IQCH: variants seen among roughly 807,000 people sequenced by gnomAD.
IQCH encodes the protein IQ domain-containing protein H.
IQCH carries 98 observed loss-of-function variants against 117.0 expected under a neutral mutation model. That is an observed-to-expected ratio of 0.84 (90% CI 0.71 to 0.99). The LOEUF is 0.99. IQCH is among the 50% of genes least tolerant of loss of function. IQCH has a pLI of 0.00. For synonymous variants in IQCH, 412 were observed against 448.2 expected (o/e 0.92, Z 1.02); for missense variants, 1,102 against 1,243.8 (o/e 0.89, Z 1.72).
intron 2 of IQCH, among the ~76,000 whole-genome samples, chr15:67,262,252 GA>G (rs1965493487): frequency 2.0e-5 from 3 of 152,166 alleles, no homozygotes; most frequent in African/African-American, 7.2e-5. Context: ...TCATTACAAA[GA>G]GATCTAAGGT....
intron 4 of IQCH, chr15:67,281,465 A>G (rs1689132115): frequency 1.3e-5 from 4 of 318,690 alleles, no homozygotes; most frequent in Admixed American, 4.1e-5. Context: ...GGTTATGTTT[A>G]TAAATCAGGT....
Position 67,487,316 on chromosome 15 carries a change from G to A in IQCH, c.2800-2687G>A, listed in dbSNP as rs951302035. Among the ~76,000 whole-genome samples the A allele has an allele frequency of 2.6e-5, 4 of 152,176 alleles. No homozygotes were observed. The East Asian group carries it at 5.8e-4, about 22-fold the overall frequency. ...CCACTGCACTCCAGCCTGGGTGACC[G>A]AGTGAGACTCTGTCTCAAAAACAAC... On this transcript the variant is annotated intron_variant, in intron 18 of 20. Transcript: ENST00000335894.
chr15:67,279,182 G>T (rs1248975497), intron 3 of IQCH, among the ~76,000 whole-genome samples: 1 of 152,074 alleles, frequency 6.6e-6, no homozygotes, highest in Non-Finnish European at 1.5e-5. Flanking sequence ...TGCTATAATG[G>T]TCTTTATCAG....
chr15:67,440,772 G>A (rs1367904540), intron 16 of IQCH, among the ~76,000 whole-genome samples: 1 of 152,140 alleles, frequency 6.6e-6, no homozygotes, highest in African/African-American at 2.4e-5. Flanking sequence ...ACTGAATGGG[G>A]AAAAGTTGAA....
chr15:67,270,563 A>T (rs915774495), intron 3 of IQCH, among the ~76,000 whole-genome samples: 2 of 152,150 alleles, frequency 1.3e-5, no homozygotes, highest in African/African-American at 2.4e-5. Context: ...TGCCATTCTC[A>T]TGGGAGTGAG....
chr15:67,327,053 A>G (rs1257685287), intron 4 of IQCH, among the ~76,000 whole-genome samples: 1 of 152,190 alleles, frequency 6.6e-6, no homozygotes, highest in African/African-American at 2.4e-5. Flanking sequence ...AGAATATCCT[A>G]TGTATTTTTC....
At chr15:67,343,420 T>C (rs1165341874) in intron 5 of IQCH, among the ~76,000 whole-genome samples, 1 of 152,258 alleles carries the variant, frequency 6.6e-6, no homozygotes, top group Non-Finnish European at 1.5e-5. Context: ...TTCATTTGTT[T>C]ATTTATTTAA....
intron 16 of IQCH, among the ~76,000 whole-genome samples, chr15:67,440,917 G>C (rs1252270735): frequency 6.6e-6 from 1 of 152,172 alleles, no homozygotes; most frequent in East Asian, 1.9e-4. Context: ...TAAAGAGGAA[G>C]TCAAACTGTC....
intron 4 of IQCH, among the ~76,000 whole-genome samples, chr15:67,326,404 G>T (rs1336942400): frequency 6.6e-6 from 1 of 152,112 alleles, no homozygotes; most frequent in South Asian, 2.1e-4. Context: ...CTTTGCTATT[G>T]TGAATAGTGC....
At chr15:67,483,946 C>T (rs1426471072) in intron 18 of IQCH, among the ~76,000 whole-genome samples, 1 of 152,206 alleles carries the variant, frequency 6.6e-6, no homozygotes, top group African/African-American at 2.4e-5. Flanking sequence ...CTTAGGAGTT[C>T]ATGTCCTGCT....
chr15:67,400,228 T>C lies in IQCH; in HGVS notation c.2020T>C (p.Tyr674His), dbSNP rs35933176. 5,422 of 1,613,628 alleles carry C rather than the reference T, an allele frequency of 3.4e-3. 39 individuals are homozygous for C. The highest frequency in any genetic ancestry group is 3.3e-3 in the Non-Finnish European group (3,850 of 1,179,620). ...GACTGCATTTTGTGATATTCCTTCC[T>C]ACCTAAAGTGCTACAAATGGGTGCT... is the stretch of plus-strand genomic sequence containing the variant. ...NGTAFCDIPS[Y>H]LKCYKWVLKE... The change falls in exon 14 of 21, where the codon TAC (tyrosine) becomes CAC (histidine). Residue 674 changes from tyrosine to histidine, a missense_variant. Physicochemically the swap from Tyr to His is moderately conservative, Grantham distance 83. Around this residue, in one of 2 missense-constraint regions of IQCH, gnomAD observed 650 missense variants for 794.3 expected, o/e 0.82. Transcript: ENST00000335894.
rs1970477486 is a variant in IQCH at position 67,370,190 on chromosome 15, G to T, written c.754-1921G>T. ...TCCTTTCTCAACTTCTGCCAAGGTT[G>T]TCCCATTTTCATAGATGGTCCTAAT... On this transcript the variant is annotated intron_variant, in intron 8 of 20. Transcript: ENST00000335894. This position sits in a 1 kb window ranked among gnomAD's most constrained non-coding sequence, Gnocchi z 5.6. 6.6e-6 allele frequency among the ~76,000 whole-genome samples: 1 copy of T among 152,170 alleles called. No individual in the cohort carries two copies. Among genetic ancestry groups the T allele is most frequent in the Non-Finnish European group, 1.5e-5 (1 of 68,026 alleles).
At chr15:67,314,557 T>A (rs1043862079) in intron 4 of IQCH, among the ~76,000 whole-genome samples, 4 of 152,048 alleles carry the variant, frequency 2.6e-5, no homozygotes, top group African/African-American at 9.7e-5. Flanking sequence ...TTTTCTTTTA[T>A]ATAAGCAGTA....
In IQCH at chr15:67,451,798, C is replaced by T. The variant is rs371746127; in HGVS notation, c.2506-13329C>T. On this transcript the variant is annotated intron_variant, in intron 16 of 20. Transcript: ENST00000335894. ...TGTCCTTGTTAACTTTCTGTCTCGT[C>T]GATCTGTCTAATGTTGACAGTGGGG... 5.8e-4 allele frequency among the ~76,000 whole-genome samples: 88 copies of T among 151,914 alleles called. 2 individuals carry two copies. In the East Asian group the frequency reaches 5.8e-3, roughly 10 times the overall value.
Position 67,403,974 on chromosome 15 carries a change from C to G in IQCH, c.2097+3669C>G, listed in dbSNP as rs141856458. On this transcript the variant is annotated intron_variant, in intron 14 of 20. Transcript: ENST00000335894. This position sits in a 1 kb window ranked among gnomAD's most constrained non-coding sequence, Gnocchi z 4.8. Reference sequence around the variant, plus strand: ...TTGGGCCTCTGTTACCCTGGAGATTCTGGGATGTGGTCTTGGCATTACTAT... The same window carrying G: ...TTGGGCCTCTGTTACCCTGGAGATTGTGGGATGTGGTCTTGGCATTACTAT... The G allele has an allele frequency of 6.6e-6, 1 of 152,180 alleles. No individual in the cohort carries two copies. Among genetic ancestry groups the G allele is most frequent in the Non-Finnish European group, 1.5e-5 (1 of 68,044 alleles). The allele number at this position is 152,180 out of a possible 1,614,324, so 9.4% of individuals were successfully genotyped here.
chr15:67,378,909 G>T (rs539050075), intron 10 of IQCH, among the ~76,000 whole-genome samples: 1 of 152,096 alleles, frequency 6.6e-6, no homozygotes, highest in Admixed American at 6.6e-5. Context: ...ATTGAAGACC[G>T]TAAAGAACAT....
intron 1 of IQCH, among the ~76,000 whole-genome samples, chr15:67,260,152 G>C (rs1965399100): frequency 6.6e-6 from 1 of 152,208 alleles, no homozygotes; most frequent in Non-Finnish European, 1.5e-5. Flanking sequence ...GCTGAAACAG[G>C]TGTTGGGTTC....
intron 4 of IQCH, among the ~76,000 whole-genome samples, chr15:67,286,390 G>A (rs1966562425): frequency 6.6e-6 from 1 of 152,006 alleles, no homozygotes. Flanking sequence ...AGGATAATTT[G>A]ACTTCTTCAT....
chr15:67,278,927 G>T (rs1966238147), intron 3 of IQCH, among the ~76,000 whole-genome samples: 1 of 152,116 alleles, frequency 6.6e-6, no homozygotes, highest in Non-Finnish European at 1.5e-5. Flanking sequence ...TAAGGAAAAT[G>T]TTTAACCACC....
Sources: allele counts gnomAD v4.1 joint callset (sites outside exome capture counted in the v4.1 genomes callset), GRCh38; gene constraint gnomAD v4.1.1; regional missense constraint gnomAD v4.1.1; non-coding constraint Gnocchi (gnomAD v3.1); transcripts MANE v1.5; gene names NCBI Gene and HGNC (gene_info 2026-07-23, HGNC 2026-07-21).